The following PCDH15 variants were observed in gnomAD, a reference collection of about 807,000 sequenced individuals.
PCDH15 encodes the protein protocadherin related 15.
In PCDH15, 129 loss-of-function variants were observed where a neutral mutation model predicts 178.5. The ratio of observed to expected loss-of-function variants is 0.72; its 90% CI spans 0.63 to 0.84. PCDH15 has a LOEUF of 0.84. PCDH15 is among the 40% of genes least tolerant of loss of function. The pLI is 0.00. For synonymous variants in PCDH15, 800 were observed against 732.0 expected, an observed-to-expected ratio of 1.09 and a Z score of -1.50; for missense variants, 2,230 against 2,099.9, an observed-to-expected ratio of 1.06 and a Z score of -1.21.
chr10:54,691,887 C>T (rs946551227), intron 1 of PCDH15, among the ~76,000 whole-genome samples: 1 of 152,080 alleles, frequency 6.6e-6, no homozygotes, highest in South Asian at 2.1e-4. Context: ...GAAAAGTCAG[C>T]AAATTTGGAA....
chr10:54,084,424 G>A (rs1332959729), intron 16 of PCDH15, among the ~76,000 whole-genome samples: 2 of 151,556 alleles, frequency 1.3e-5, no homozygotes, highest in African/African-American at 4.8e-5. Context: ...AGTAAGCCGA[G>A]ACCATACCAC....
intron 32 of PCDH15, among the ~76,000 whole-genome samples, chr10:53,826,057 T>TAAAG (rs1402945682): frequency 1.3e-5 from 2 of 151,752 alleles, no homozygotes; most frequent in Admixed American, 1.3e-4. Flanking sequence ...TTTTAGTTTC[T>TAAAG]AAAGATCTTT....
intron 27 of PCDH15, among the ~76,000 whole-genome samples, chr10:53,865,620 G>T (rs1431170806): frequency 1.3e-5 from 2 of 152,160 alleles, no homozygotes; most frequent in African/African-American, 4.8e-5. Flanking sequence ...TATGTCAAAA[G>T]CTTCTTGGCT....
chr10:54,733,993 A>G (rs1033976162), intron 1 of PCDH15, among the ~76,000 whole-genome samples: 1 of 151,648 alleles, frequency 6.6e-6, no homozygotes, highest in Non-Finnish European at 1.5e-5. Flanking sequence ...AACTTTACAA[A>G]AAAAAACAAA....
intron 2 of PCDH15, among the ~76,000 whole-genome samples, chr10:55,059,987 T>A (rs1467454841): frequency 2.0e-5 from 3 of 150,762 alleles, no homozygotes; most frequent in African/African-American, 7.3e-5. Context: ...TACAAAAAAT[T>A]AAAAAAAAAA....
In PCDH15 at chr10:54,867,580, CT is replaced by C. The variant is rs555860878; in HGVS notation, c.-29+29869del. On this transcript the variant is annotated intron_variant, in intron 3 of 5. Transcript: ENST00000458638. ...GGGGAGTTAGAATTTAACTTCAAAT[CT>C]TTTATTTTCAAGAAGATATGGGTTC... is the stretch of plus-strand genomic sequence containing the variant. Among the ~76,000 whole-genome samples, 11 of 152,134 alleles carry C rather than the reference CT, an allele frequency of 7.2e-5. No homozygotes were observed. In the South Asian group the frequency reaches 1.0e-3, roughly 14 times the overall value.
chr10:54,739,060 C>A (rs943409357), intron 1 of PCDH15, among the ~76,000 whole-genome samples: 1 of 151,736 alleles, frequency 6.6e-6, no homozygotes, highest in Admixed American at 6.6e-5. Context: ...AAGTTCTAGA[C>A]AGAGGAATGA....
intron 18 of PCDH15, among the ~76,000 whole-genome samples, chr10:54,032,373 A>C (rs2093318012): frequency 6.6e-6 from 1 of 151,974 alleles, no homozygotes; most frequent in Non-Finnish European, 1.5e-5. Context: ...ACATGAAATT[A>C]AGAATTCATA....
intron 11 of PCDH15, chr10:54,189,477 G>A (rs2048768542): frequency 1.3e-6 from 1 of 761,200 alleles, no homozygotes; most frequent in African/African-American, 1.9e-5. Context: ...CAGCACACTA[G>A]ACTGACAATT....
chr10:54,204,867 A>T (rs984418045), intron 10 of PCDH15, among the ~76,000 whole-genome samples: 1 of 152,164 alleles, frequency 6.6e-6, no homozygotes, highest in African/African-American at 2.4e-5. Flanking sequence ...TGTTTCCCAA[A>T]TACTGTGGTT....
At position 54,175,828 on chromosome 10, in the gene PCDH15, T is replaced by A. The variant is rs562835720; in HGVS notation, c.1590+7616A>T. 1.8e-4 allele frequency among the ~76,000 whole-genome samples: 28 copies of A among 152,298 alleles called. No individual in the cohort carries two copies. In the South Asian group the frequency reaches 5.6e-3, roughly 30 times the overall value. On this transcript the variant is annotated intron_variant, in intron 13 of 37. Coordinates refer to ENST00000644397, the MANE Select transcript of PCDH15 (RefSeq NM_001384140.1). ...AATTAGGCTATAAAAATAATTATGT[T>A]CAAAGTTTTTTCCTATGATATATTA... is the stretch of plus-strand genomic sequence containing the variant.
intron 3 of PCDH15, among the ~76,000 whole-genome samples, chr10:54,456,924 T>G (rs1377233898): frequency 6.6e-6 from 1 of 152,122 alleles, no homozygotes; most frequent in East Asian, 1.9e-4. Flanking sequence ...TACTTCCCCT[T>G]CTGACATGAT....
intron 3 of PCDH15, among the ~76,000 whole-genome samples, chr10:54,831,171 A>G (rs1638237013): frequency 6.6e-6 from 1 of 152,106 alleles, no homozygotes; most frequent in African/African-American, 2.4e-5. Context: ...GATTTGGATA[A>G]AAGATACATG....
At chr10:55,436,191 T>G (rs1839035743) in intron 2 of PCDH15, among the ~76,000 whole-genome samples, 1 of 152,088 alleles carries the variant, frequency 6.6e-6, no homozygotes, top group Non-Finnish European at 1.5e-5. Flanking sequence ...GGACTGAGCC[T>G]TGCAAATCAA....
chr10:54,315,367 C>G (rs12258296), intron 8 of PCDH15, among the ~76,000 whole-genome samples: 7,174 of 142,938 alleles, frequency 0.05, 519 homozygotes, highest in African/African-American at 0.16. Context: ...CAAAAGAAAA[C>G]ACTTTTTGAT....
intron 1 of PCDH15, among the ~76,000 whole-genome samples, chr10:55,308,197 C>T (rs942418524): frequency 6.6e-6 from 1 of 152,060 alleles, no homozygotes. Flanking sequence ...AAGGAGTAAG[C>T]TATTTAATTC....
At chr10:54,094,732 C>A (rs1382539922) in intron 15 of PCDH15, among the ~76,000 whole-genome samples, 1 of 152,140 alleles carries the variant, frequency 6.6e-6, no homozygotes, top group Non-Finnish European at 1.5e-5. Flanking sequence ...TAAAGCCAAT[C>A]TTTCCTTTAA....
At chr10:53,985,947 CATAA>C (rs1001200450) in intron 21 of PCDH15, among the ~76,000 whole-genome samples, 6 of 152,304 alleles carry the variant, frequency 3.9e-5, no homozygotes, top group African/African-American at 1.4e-4. Flanking sequence ...AACTGTTCCA[CATAA>C]ATGACATCAT....
At chr10:54,869,483 G>C (rs1953997050) in intron 3 of PCDH15, among the ~76,000 whole-genome samples, 1 of 152,120 alleles carries the variant, frequency 6.6e-6, no homozygotes, top group Non-Finnish European at 1.5e-5. Context: ...ATATTAAAGA[G>C]TACACAGTGT....
Sources: gnomAD v4.1 joint callset for allele counts (sites outside exome capture counted in the v4.1 genomes callset) on GRCh38, gnomAD v4.1.1 for gene constraint, MANE v1.5 for transcripts, NCBI Gene and HGNC (gene_info 2026-07-23, HGNC 2026-07-21) for gene names.